The following LETM2 variants were observed in gnomAD, a reference collection of about 807,000 sequenced individuals.
The protein encoded by LETM2 is LETM1 domain-containing protein LETM2, mitochondrial.
In LETM2, 58 loss-of-function variants were observed where a neutral mutation model predicts 59.6. The observed-to-expected ratio is 0.97, with a 90% CI of 0.79 to 1.21. LETM2 has a LOEUF of 1.21. LETM2 is among the 50% of genes most tolerant of loss of function. The pLI is 0.00. For synonymous variants in LETM2, 199 were observed against 214.1 expected (o/e 0.93, Z 0.62); for missense variants, 572 against 575.7 (o/e 0.99, Z 0.07).
At chr8:38,387,247 G>A in intron 1 of LETM2, 1 of 152,244 alleles carries the variant, frequency 6.6e-6, no homozygotes, top group East Asian at 1.9e-4. Context: ...TTCTATTCAG[G>A]AGAGCTCCTG....
At chr8:38,403,620 G>T (rs1417301613) in intron 7 of LETM2, among the ~76,000 whole-genome samples, 3 of 152,318 alleles carry the variant, frequency 2.0e-5, no homozygotes, top group East Asian at 1.9e-4. Flanking sequence ...TCTCATCATT[G>T]TAAGAAATGC....
rs190578383 is a variant in LETM2, at chr8:38,397,220, G to A, written c.645+2979G>A. 171 of 446,096 alleles carry A rather than the reference G, an allele frequency of 3.8e-4. No homozygotes were observed. In the East Asian group the frequency reaches 9.8e-3, roughly 25 times the overall value. The allele number at this position is 446,096 out of a possible 1,614,324, so 27.6% of individuals were successfully genotyped here. On this transcript the variant is annotated intron_variant, in intron 4 of 10. Transcript: ENST00000379957. ...GAGACGGAGTCTCGCACCATCACCC[G>A]GGCTGGAGTGCAGTGGCACAATCTT...
In LETM2 at chr8:38,408,435, T is replaced by G. The variant is rs750147561; in HGVS notation, c.*161T>G. On this transcript the variant is annotated 3_prime_UTR_variant, in exon 11 of 11. Transcript: ENST00000379957. ...GGCCTGGTAACCATTCCAGGTGATG[T>G]GGGTAGTGAGACCAAGTTCAGACCA... 87 of 613,466 alleles carry G rather than the reference T, an allele frequency of 1.4e-4. No individual in the cohort carries two copies. The highest frequency in any genetic ancestry group is 2.1e-4 in the Non-Finnish European group (73 of 345,094). The allele number at this position is 613,466 out of a possible 1,614,324, so 38.0% of individuals were successfully genotyped here.
At chr8:38,395,953 C>T (rs1230150877) in intron 4 of LETM2, among the ~76,000 whole-genome samples, 1 of 152,070 alleles carries the variant, frequency 6.6e-6, no homozygotes, top group Non-Finnish European at 1.5e-5. Context: ...TCTTTTCATT[C>T]CTTAACCATG....
Position 38,408,447 on chromosome 8 carries a change from C to T in LETM2, c.*173C>T. 1.7e-6 allele frequency: 1 copy of T among 583,962 alleles called. No homozygotes were observed. Among genetic ancestry groups the T allele is most frequent in the South Asian group, 2.0e-5 (1 of 48,798 alleles). 36.2% of individuals were successfully genotyped at this position (583,962 alleles called of 1,614,324 possible). ...ATTCCAGGTGATGTGGGTAGTGAGA[C>T]CAAGTTCAGACCACTTAGAAAAATA... On this transcript the variant is annotated 3_prime_UTR_variant, in exon 11 of 11. Transcript: ENST00000379957.
Position 38,399,765 on chromosome 8 carries a change from G to A in LETM2, c.646-507G>A, listed in dbSNP as rs192654653. 1.3e-3 allele frequency among the ~76,000 whole-genome samples: 182 copies of A among 137,382 alleles called. 1 individual carries two copies. Among genetic ancestry groups the A allele is most frequent in the African/African-American group, 3.8e-3 (141 of 36,908 alleles). The allele number at this position is 137,382 out of a possible 152,430, so 90.1% of individuals were successfully genotyped here. A position where few individuals can be genotyped will look rare whatever the true frequency, so the allele number is the denominator to read the frequency against. ...TGCACTCCAGCCTGGGTGACAGAGC[G>A]AAACTCCATCTCAAAAAAAAAAAAA... is the stretch of plus-strand genomic sequence containing the variant. On this transcript the variant is annotated intron_variant, in intron 4 of 10. Coordinates refer to ENST00000379957, the MANE Select transcript of LETM2 (RefSeq NM_001286819.2).
At chr8:38,396,531 A>G (rs1812709515) in intron 4 of LETM2, among the ~76,000 whole-genome samples, 1 of 152,162 alleles carries the variant, frequency 6.6e-6, no homozygotes, top group South Asian at 2.1e-4. Context: ...GTATGTGGAT[A>G]TCTAGCTTTT....
intron 6 of LETM2, 121 bp downstream of exon 6, chr8:38,401,174 C>T (rs1813190316): frequency 1.3e-6 from 1 of 794,286 alleles, no homozygotes. Context: ...CAAAGTCTTG[C>T]TCTGTCACCC....
chr8:38,387,869 G>GT, intron 1 of LETM2, 81 bp from the exon 2 acceptor site: 1 of 656,436 alleles, frequency 1.5e-6, no homozygotes, highest in South Asian at 1.8e-5. Flanking sequence ...CTTTGCAATA[G>GT]TTAAAAACAC....
At chr8:38,383,006 C>T (rs1346823153), upstream of LETM2, 4 of 152,158 alleles carry the variant, frequency 2.6e-5, no homozygotes, top group African/African-American at 9.6e-5. Flanking sequence ...TGCTGCGGCC[C>T]GGAGGCTTGT....
At chr8:38,388,119 C>T (rs1189271919) in intron 2 of LETM2, 89 bp downstream of exon 2, 19 of 907,090 alleles carry the variant, frequency 2.1e-5, no homozygotes, top group African/African-American at 5.2e-5. Context: ...CGCACTCTGT[C>T]GCCCAGGCTG....
chr8:38,388,155 A>C (rs1267295224), intron 2 of LETM2, 125 bp downstream of exon 2: 2 of 656,526 alleles, frequency 3.0e-6, no homozygotes, highest in East Asian at 2.8e-5. Context: ...ATCTCGGCTC[A>C]CTGCAACCTC....
intron 4 of LETM2, among the ~76,000 whole-genome samples, chr8:38,399,420 C>T (rs1028974976): frequency 1.1e-4 from 17 of 152,106 alleles, no homozygotes; most frequent in African/African-American, 4.1e-4. Flanking sequence ...TAAAGAAAAA[C>T]CCAGGGCCAC....
chr8:38,401,876 T>C (rs2150442964), intron 6 of LETM2, among the ~76,000 whole-genome samples: 1 of 152,306 alleles, frequency 6.6e-6, no homozygotes, highest in South Asian at 2.1e-4. Flanking sequence ...TTTTAAAAAA[T>C]GGAAGGAATG....
intron 6 of LETM2, 89 bp downstream of exon 6, chr8:38,401,142 G>T: frequency 9.8e-7 from 1 of 1,016,184 alleles, no homozygotes; most frequent in South Asian, 1.5e-5. Context: ...AGTATTTTTT[G>T]TTTTTGTTTT....
chr8:38,404,207 G>C, intron 7 of LETM2, 186 bp from the exon 8 acceptor site: 1 of 551,492 alleles, frequency 1.8e-6, no homozygotes, highest in Non-Finnish European at 3.2e-6. Context: ...AGGCTGTAGG[G>C]TGCCCCCTCA....
upstream of LETM2, among the ~76,000 whole-genome samples, chr8:38,384,159 ATTC>A (rs1425316322): frequency 6.6e-6 from 1 of 150,740 alleles, no homozygotes; most frequent in Non-Finnish European, 1.5e-5. Context: ...TTCTACCTCC[ATTC>A]TTCTTTTTCT....
intron 2 of LETM2, among the ~76,000 whole-genome samples, chr8:38,391,273 G>C (rs1812239741): frequency 7.6e-6 from 1 of 131,986 alleles, no homozygotes; most frequent in African/African-American, 2.8e-5. Context: ...GCCAGTATCT[G>C]TCATATTTTT....
In LETM2 at chr8:38,408,350, A is replaced by G. The variant is rs528047249; in HGVS notation, c.*76A>G. Reference sequence around the variant, plus strand: ...GTGGCATCTGTAAAGGACCTCCCAGATAAGACTGTCTGGCTTCAGAGAGCG... The same window carrying G: ...GTGGCATCTGTAAAGGACCTCCCAGGTAAGACTGTCTGGCTTCAGAGAGCG... On this transcript the variant is annotated 3_prime_UTR_variant, in exon 11 of 11. Transcript: ENST00000379957. 213 of 1,271,582 alleles carry G rather than the reference A, an allele frequency of 1.7e-4. No homozygotes were observed. The highest frequency in any genetic ancestry group is 5.6e-4 in the Middle Eastern group (3 of 5,322). The allele number at this position is 1,271,582 out of a possible 1,614,324, so 78.8% of individuals were successfully genotyped here.
Sources: gnomAD v4.1 joint callset for allele counts (sites outside exome capture counted in the v4.1 genomes callset) on GRCh38, gnomAD v4.1.1 for gene constraint, MANE v1.5 for transcripts, NCBI Gene and HGNC (gene_info 2026-07-23, HGNC 2026-07-21) for gene names.